The following EIF3H variants were observed in gnomAD, a reference collection of about 807,000 sequenced individuals.
EIF3H encodes the protein eukaryotic translation initiation factor 3 subunit H.
In EIF3H, 26 loss-of-function variants were observed where a neutral mutation model predicts 44.2. The observed-to-expected ratio is 0.59, with a 90% CI of 0.43 to 0.82. EIF3H has a LOEUF of 0.82. Among genes scored for constraint, EIF3H ranks in the 40% least tolerant of loss-of-function variants. The pLI is 0.00. For missense variants in EIF3H, 359 were observed against 432.8 expected (o/e 0.83, Z 1.51); for synonymous variants, 166 against 151.9 (o/e 1.09, Z -0.68).
At chr8:116,727,508 C>G (rs1267670804) in intron 1 of EIF3H, among the ~76,000 whole-genome samples, 1 of 152,184 alleles carries the variant, frequency 6.6e-6, no homozygotes, top group Non-Finnish European at 1.5e-5. Flanking sequence ...TCAGTGGTCC[C>G]TATTTCCCAT....
intron 2 of EIF3H, among the ~76,000 whole-genome samples, chr8:116,693,506 T>C (rs763277829): frequency 6.6e-5 from 10 of 152,200 alleles, no homozygotes; most frequent in Admixed American, 3.9e-4. Context: ...ACCAAATGAT[T>C]ATATATTCTG....
intron 2 of EIF3H, among the ~76,000 whole-genome samples, chr8:116,677,728 A>C (rs1813872927): frequency 6.6e-6 from 1 of 152,242 alleles, no homozygotes; most frequent in South Asian, 2.1e-4. Context: ...TGACAACTAC[A>C]GCTCAAGGCT....
At chr8:116,658,680 A>G in intron 3 of EIF3H, 133 bp downstream of exon 3, 1 of 781,334 alleles carries the variant, frequency 1.3e-6, no homozygotes, top group Non-Finnish European at 2.0e-6. Flanking sequence ...GCTGCTGCTG[A>G]GGCTGCTGCA....
intron 2 of EIF3H, among the ~76,000 whole-genome samples, chr8:116,705,195 T>C (rs1814446736): frequency 1.3e-5 from 2 of 152,216 alleles, no homozygotes; most frequent in African/African-American, 2.4e-5. Flanking sequence ...CATATTTTCA[T>C]ATGATATTTG....
intron 1 of EIF3H, among the ~76,000 whole-genome samples, chr8:116,727,905 A>C (rs563133184): frequency 6.6e-6 from 1 of 152,290 alleles, no homozygotes; most frequent in African/African-American, 2.4e-5. Context: ...TATGTAGTCT[A>C]TATGGTATTA....
chr8:116,642,838 C>T lies in EIF3H; in HGVS notation c.*2168G>A, dbSNP rs1813241486. ...AGTTAATTTCCACTGACATGTTTTC[C>T]TAAACAGTTTTTCCCACTATGATTA... On this transcript the variant is annotated 3_prime_UTR_variant, in exon 8 of 8. Transcript: ENST00000521861. 6.6e-6 allele frequency: 1 copy of T among 152,192 alleles called. No individual in the cohort carries two copies. Among genetic ancestry groups the T allele is most frequent in the Non-Finnish European group, 1.5e-5 (1 of 68,030 alleles). 9.4% of individuals were successfully genotyped at this position (152,192 alleles called of 1,614,324 possible).
At chr8:116,747,470 T>C (rs1236831369) in intron 1 of EIF3H, among the ~76,000 whole-genome samples, 1 of 152,212 alleles carries the variant, frequency 6.6e-6, no homozygotes, top group Non-Finnish European at 1.5e-5. Context: ...GAAACACATA[T>C]AATTAAAATA....
chr8:116,674,358 A>G (rs1476253577), intron 2 of EIF3H, among the ~76,000 whole-genome samples: 7 of 151,758 alleles, frequency 4.6e-5, no homozygotes, highest in Middle Eastern at 3.4e-3. Flanking sequence ...TAAAGCAGAT[A>G]AAGCTGTTCC....
rs545673867 is a variant in EIF3H, at chr8:116,661,170, T to C, written c.290-2190A>G. 1.1e-4 allele frequency among the ~76,000 whole-genome samples: 17 copies of C among 152,340 alleles called. No individual in the cohort carries two copies. The East Asian group carries it at 3.1e-3, about 28-fold the overall frequency. On this transcript the variant is annotated intron_variant, in intron 2 of 7. Coordinates refer to ENST00000521861, the MANE Select transcript of EIF3H (RefSeq NM_003756.3). ...AAAGTAAAATCACTGATTTGGCTAA[T>C]AAATTTTAATCAAATTTAATTTATG...
upstream of EIF3H, among the ~76,000 whole-genome samples, chr8:116,758,946 C>T (rs1213350019): frequency 6.6e-6 from 1 of 152,162 alleles, no homozygotes; most frequent in African/African-American, 2.4e-5. Context: ...ATCATCTAAG[C>T]TCTCTAACAT....
chr8:116,717,382 A>G (rs543253146), intron 2 of EIF3H, among the ~76,000 whole-genome samples: 4 of 152,318 alleles, frequency 2.6e-5, no homozygotes, highest in South Asian at 4.1e-4. Flanking sequence ...CATTCTTCAC[A>G]GAACTAGAAA....
At chr8:116,688,431 G>T (rs772981444) in intron 2 of EIF3H, among the ~76,000 whole-genome samples, 8 of 152,006 alleles carry the variant, frequency 5.3e-5, no homozygotes, top group Non-Finnish European at 8.8e-5. Context: ...CATAACAAAG[G>T]ATATAGCAAT....
At chr8:116,699,921 G>T (rs183549507) in intron 2 of EIF3H, among the ~76,000 whole-genome samples, 1 of 151,944 alleles carries the variant, frequency 6.6e-6, no homozygotes. Flanking sequence ...AGAGACTCCC[G>T]TGCCTCAGCC....
At position 116,658,553 on chromosome 8, in the gene EIF3H, G is replaced by A. The variant is rs1586435998; in HGVS notation, c.457+260C>T. The A allele has an allele frequency of 1.7e-5, 6 of 353,806 alleles. No individual in the cohort carries two copies. In the East Asian group the frequency reaches 3.2e-4, roughly 19 times the overall value. 21.9% of individuals were successfully genotyped at this position (353,806 alleles called of 1,614,324 possible). On this transcript the variant is annotated intron_variant, in intron 3 of 7. Coordinates refer to ENST00000521861, the MANE Select transcript of EIF3H (RefSeq NM_003756.3). Reference sequence around the variant, plus strand: ...CTAGTTCCACCAGCCCCTTCAATGAGGGAGGGGAGATGGAGGAATAGAAAT... The same window carrying A: ...CTAGTTCCACCAGCCCCTTCAATGAAGGAGGGGAGATGGAGGAATAGAAAT...
chr8:116,728,226 A>T (rs1431959342), intron 1 of EIF3H, among the ~76,000 whole-genome samples: 2 of 152,166 alleles, frequency 1.3e-5, no homozygotes, highest in Non-Finnish European at 2.9e-5. Flanking sequence ...CAATAATCTA[A>T]TTATTTCACA....
intron 6 of EIF3H, among the ~76,000 whole-genome samples, chr8:116,647,053 C>T (rs562732545): frequency 3.3e-5 from 5 of 152,214 alleles, no homozygotes; most frequent in African/African-American, 7.2e-5. Flanking sequence ...GATGTTATTA[C>T]TGCTATGTTC....
Position 116,755,772 on chromosome 8 carries a change from C to T in EIF3H, c.26G>A (p.Gly9Asp). ...GGAGCTGGAAGAGGTGGCAGTAGAG[C>T]CGGTACCTTCCTTGCGGGACGCCAT... is the stretch of plus-strand genomic sequence containing the variant. MASRKEGT[G>D]STATSSSSTA... The change falls in exon 1 of 8, where the codon GGC becomes GAC. Residue 9 changes from glycine (G) to aspartate (D), a missense_variant. This residue lies in a region of EIF3H where 59 missense variants were observed against 33.5 expected (regional missense o/e 1.76). Coordinates refer to ENST00000521861, the MANE Select transcript of EIF3H (RefSeq NM_003756.3). 1.9e-6 allele frequency: 3 copies of T among 1,614,030 alleles called. No homozygotes were observed. The highest frequency in any genetic ancestry group is 1.7e-6 in the Non-Finnish European group (2 of 1,180,030).
At chr8:116,749,111 G>C (rs1033570497) in intron 1 of EIF3H, among the ~76,000 whole-genome samples, 1 of 152,060 alleles carries the variant, frequency 6.6e-6, no homozygotes, top group African/African-American at 2.4e-5. Flanking sequence ...TAACTTAAAG[G>C]GGAAAACAAA....
At chr8:116,671,532 A>G (rs4623456) in intron 2 of EIF3H, among the ~76,000 whole-genome samples, 129,632 of 152,176 alleles carry the variant, frequency 0.85, 55,393 homozygotes, top group Non-Finnish European at 0.89. Flanking sequence ...GACAAAAATC[A>G]GAAAGAATGA....
Sources: gnomAD v4.1 joint callset for allele counts (sites outside exome capture counted in the v4.1 genomes callset) on GRCh38, gnomAD v4.1.1 for gene constraint, gnomAD v4.1.1 regional missense constraint, MANE v1.5 for transcripts, NCBI Gene and HGNC (gene_info 2026-07-23, HGNC 2026-07-21) for gene names.